The following ATL1 variants were observed in gnomAD, a reference collection of about 807,000 sequenced individuals.
The protein encoded by ATL1 is atlastin GTPase 1.
ATL1 carries 31 observed loss-of-function variants against 75.5 expected under a neutral mutation model. The ratio of observed to expected loss-of-function variants is 0.41; its 90% confidence interval spans 0.31 to 0.55. ATL1 has a LOEUF of 0.55. Ranked by LOEUF, ATL1 falls within the 20% of genes least tolerant of loss-of-function variation. ATL1 has a pLI of 0.27. For synonymous variants in ATL1, 226 were observed against 233.3 expected, an observed-to-expected ratio of 0.97 and a Z score of 0.28; for missense variants, 405 against 662.6, an observed-to-expected ratio of 0.61 and a Z score of 4.27.
chr14:50,614,633 A>C, intron 8 of ATL1, 122 bp downstream of exon 8: 1 of 1,175,668 alleles, frequency 8.5e-7, no homozygotes, highest in Non-Finnish European at 1.2e-6. Context: ...ATGATTAGAA[A>C]TTGTCAGGAG....
intron 6 of ATL1, among the ~76,000 whole-genome samples, chr14:50,608,264 T>A (rs1009764306): frequency 3.3e-5 from 5 of 152,058 alleles, no homozygotes; most frequent in African/African-American, 1.2e-4. Context: ...AAGACTGAAT[T>A]TCATAGAAAT....
chr14:50,632,338 A>G lies in ATL1; in HGVS notation c.1676A>G (p.Ter559=), dbSNP rs1442353711. ...STEQSEKKKM[*] ...GAACAATCAGAAAAGAAAAAAATGTAATGCAAATTTTAAGAAATACAGGTG... is the reference window on the plus strand; with the variant it reads ...GAACAATCAGAAAAGAAAAAAATGTGATGCAAATTTTAAGAAATACAGGTG... The change falls in exon 14 of 14, where the codon TAA becomes TGA. Residue 559 remains the stop codon, a stop_retained_variant. Coordinates refer to ENST00000358385, the MANE Select transcript of ATL1 (RefSeq NM_015915.5). The G allele has an allele frequency of 2.5e-6, 4 of 1,596,912 alleles. No homozygotes were observed. Among genetic ancestry groups the G allele is most frequent in the Middle Eastern group, 3.3e-4 (2 of 6,030 alleles).
At chr14:50,585,387 C>T (rs2039092469) in intron 1 of ATL1, among the ~76,000 whole-genome samples, 3 of 152,152 alleles carry the variant, frequency 2.0e-5, no homozygotes, top group Non-Finnish European at 4.4e-5. Context: ...GTTTCTCTAT[C>T]CAAAATATTA....
intron 1 of ATL1, among the ~76,000 whole-genome samples, chr14:50,548,844 A>C (rs962739231): frequency 6.6e-6 from 1 of 152,114 alleles, no homozygotes; most frequent in East Asian, 1.9e-4. Flanking sequence ...GAATCCCACT[A>C]TACAGTCCTA....
At chr14:50,589,651 T>C (rs188456653) in intron 2 of ATL1, among the ~76,000 whole-genome samples, 1 of 152,310 alleles carries the variant, frequency 6.6e-6, no homozygotes, top group Admixed American at 6.5e-5. Context: ...GTGTACACCT[T>C]CTTCCCTAGA....
intron 1 of ATL1, among the ~76,000 whole-genome samples, chr14:50,553,057 G>A (rs1250900976): frequency 6.6e-6 from 1 of 152,134 alleles, no homozygotes; most frequent in South Asian, 2.1e-4. Flanking sequence ...CACTTTGGGA[G>A]GCTGAGGCGG....
At chr14:50,596,609 G>A (rs2039219699) in intron 6 of ATL1, among the ~76,000 whole-genome samples, 1 of 152,110 alleles carries the variant, frequency 6.6e-6, no homozygotes, top group African/African-American at 2.4e-5. Context: ...AATTTTCGAA[G>A]GATTGAATTC....
intron 6 of ATL1, among the ~76,000 whole-genome samples, chr14:50,596,297 G>A (rs1305147828): frequency 6.6e-6 from 1 of 151,184 alleles, no homozygotes; most frequent in Admixed American, 6.6e-5. Flanking sequence ...AGTGAGAGAT[G>A]GTGTCTCTTA....
intron 1 of ATL1, among the ~76,000 whole-genome samples, chr14:50,584,218 T>C (rs1354605565): frequency 6.6e-6 from 1 of 151,414 alleles, no homozygotes; most frequent in Non-Finnish European, 1.5e-5. Context: ...CTACAAAAAA[T>C]ACAGAAATTA....
chr14:50,543,244 T>C (rs2038588849), intron 1 of ATL1, among the ~76,000 whole-genome samples: 1 of 152,144 alleles, frequency 6.6e-6, no homozygotes, highest in Non-Finnish European at 1.5e-5. Flanking sequence ...CACTATGGAG[T>C]GATTAATCTG....
At chr14:50,539,536 G>A (rs2038535275) in intron 1 of ATL1, among the ~76,000 whole-genome samples, 2 of 152,210 alleles carry the variant, frequency 1.3e-5, no homozygotes, top group South Asian at 4.1e-4. Flanking sequence ...AATTAAACGT[G>A]AGACCCAGTT....
intron 1 of ATL1, among the ~76,000 whole-genome samples, chr14:50,584,084 CAT>C (rs1272547447): frequency 2.0e-5 from 3 of 152,176 alleles, no homozygotes; most frequent in Non-Finnish European, 2.9e-5. Flanking sequence ...AACTTTAAAA[CAT>C]AGAAAAGTCT....
At chr14:50,581,910 T>C (rs1199417493) in intron 1 of ATL1, among the ~76,000 whole-genome samples, 1 of 152,148 alleles carries the variant, frequency 6.6e-6, no homozygotes, top group East Asian at 1.9e-4. Context: ...CCTAGAAAGA[T>C]AGAATGAACT....
intron 6 of ATL1, among the ~76,000 whole-genome samples, chr14:50,612,999 T>C (rs1381298546): frequency 6.6e-6 from 1 of 152,138 alleles, no homozygotes; most frequent in African/African-American, 2.4e-5. Context: ...TTGGGAGTCA[T>C]CTCTGTCATC....
chr14:50,563,071 C>A (rs1191363348), intron 1 of ATL1, among the ~76,000 whole-genome samples: 3 of 152,180 alleles, frequency 2.0e-5, no homozygotes, highest in African/African-American at 7.2e-5. Context: ...ATTCCTTTAT[C>A]TTCTATCTCT....
intron 1 of ATL1, among the ~76,000 whole-genome samples, chr14:50,534,702 CTA>C (rs926715230): frequency 6.6e-6 from 1 of 152,198 alleles, no homozygotes; most frequent in Non-Finnish European, 1.5e-5. Context: ...AGTCGAGACT[CTA>C]TGTGTCTGCT....
chr14:50,569,168 A>G (rs986892084), intron 1 of ATL1, among the ~76,000 whole-genome samples: 2 of 151,726 alleles, frequency 1.3e-5, no homozygotes, highest in Non-Finnish European at 2.9e-5. Flanking sequence ...AATTCGGGTC[A>G]ATATGGCAAA....
At chr14:50,627,760 C>A (rs993914503) in intron 11 of ATL1, among the ~76,000 whole-genome samples, 3 of 152,118 alleles carry the variant, frequency 2.0e-5, no homozygotes, top group Non-Finnish European at 2.9e-5. Context: ...GTCTTTTCAT[C>A]TTGAAGGACT....
At chr14:50,543,486 A>G (rs531064343) in intron 1 of ATL1, among the ~76,000 whole-genome samples, 40 of 152,352 alleles carry the variant, frequency 2.6e-4, no homozygotes, top group African/African-American at 9.1e-4. Flanking sequence ...TTTTATCACC[A>G]TGTATCACAA....
Sources: gnomAD v4.1 joint callset for allele counts (sites outside exome capture counted in the v4.1 genomes callset) on GRCh38, gnomAD v4.1.1 for gene constraint, MANE v1.5 for transcripts, NCBI Gene and HGNC (gene_info 2026-07-23, HGNC 2026-07-21) for gene names.